UBE2D2: variants seen among roughly 807,000 people sequenced by gnomAD.
The protein encoded by UBE2D2 is ubiquitin-conjugating enzyme E2 D2.
Under a neutral mutation model 24.2 loss-of-function variants are expected in UBE2D2, and 2 were observed. The ratio of observed to expected loss-of-function variants is 0.08; its 90% CI spans 0.03 to 0.26. The LOEUF is 0.26. Among genes scored for constraint, UBE2D2 ranks in the 10% least tolerant of loss-of-function variants. The pLI is 1.00. For synonymous variants in UBE2D2, 58 were observed against 56.5 expected, an observed-to-expected ratio of 1.03 and a Z score of -0.12; for missense variants, 44 against 177.6, an observed-to-expected ratio of 0.25 and a Z score of 4.28.
intron 1 of UBE2D2, among the ~76,000 whole-genome samples, chr5:139,573,260 C>T (rs1315444850): frequency 6.6e-6 from 1 of 150,764 alleles, no homozygotes; most frequent in Non-Finnish European, 1.5e-5. Context: ...CGAGATCGCA[C>T]CACTGTACTC....
At chr5:139,601,251 T>C (rs909345710) in intron 2 of UBE2D2, among the ~76,000 whole-genome samples, 1 of 152,226 alleles carries the variant, frequency 6.6e-6, no homozygotes, top group Non-Finnish European at 1.5e-5. Context: ...TTAACTTTTT[T>C]TAAAGAGGGG....
chr5:139,586,828 G>A (rs1171923948), intron 1 of UBE2D2, among the ~76,000 whole-genome samples: 1 of 152,164 alleles, frequency 6.6e-6, no homozygotes, highest in African/African-American at 2.4e-5. Flanking sequence ...TTATGTTAGG[G>A]TAATCAGCAT....
chr5:139,576,486 A>AT (rs1000156178), intron 1 of UBE2D2, among the ~76,000 whole-genome samples: 75 of 147,456 alleles, frequency 5.1e-4, no homozygotes, highest in Non-Finnish European at 6.2e-4. Flanking sequence ...CCCAAAGATG[A>AT]TTTTTTTTTT....
intron 2 of UBE2D2, among the ~76,000 whole-genome samples, chr5:139,614,162 C>A (rs1220089215): frequency 6.6e-6 from 1 of 151,976 alleles, no homozygotes; most frequent in Non-Finnish European, 1.5e-5. Context: ...GAACTGTAAG[C>A]CTTGTCAAGA....
chr5:139,535,410 C>G (rs1022755339), intron 1 of UBE2D2, among the ~76,000 whole-genome samples: 1 of 151,766 alleles, frequency 6.6e-6, no homozygotes, highest in South Asian at 2.1e-4. Flanking sequence ...GAGCCGAGAT[C>G]GCGCCATTGC....
chr5:139,535,892 T>TTTTTC (rs1295245456), intron 1 of UBE2D2, among the ~76,000 whole-genome samples: 1 of 151,900 alleles, frequency 6.6e-6, no homozygotes, highest in Non-Finnish European at 1.5e-5. Context: ...TGTTTACATT[T>TTTTTC]TTTTCTTTTC....
chr5:139,529,447 A>T (rs981186354), intron 1 of UBE2D2, among the ~76,000 whole-genome samples: 32 of 152,184 alleles, frequency 2.1e-4, no homozygotes, highest in African/African-American at 7.2e-4. Flanking sequence ...ACACAGCAGA[A>T]AATAAGTACA....
At chr5:139,587,159 C>T (rs1283679696) in intron 1 of UBE2D2, among the ~76,000 whole-genome samples, 1 of 152,094 alleles carries the variant, frequency 6.6e-6, no homozygotes, top group East Asian at 1.9e-4. Flanking sequence ...GGAAGAGAAC[C>T]GTAGAACCCA....
intron 1 of UBE2D2, among the ~76,000 whole-genome samples, chr5:139,565,647 G>C (rs1331996780): frequency 1.3e-5 from 2 of 152,168 alleles, no homozygotes; most frequent in Non-Finnish European, 2.9e-5. Context: ...CTTGACTGAA[G>C]AGGGCTTCAT....
chr5:139,552,492 TTTC>T (rs1395574471), intron 1 of UBE2D2, among the ~76,000 whole-genome samples: 3 of 142,114 alleles, frequency 2.1e-5, no homozygotes, highest in South Asian at 2.2e-4. Context: ...TCTTTTTTTG[TTTC>T]TTTTTTCTTT....
At chr5:139,557,874 T>C (rs1234614310), upstream of UBE2D2, among the ~76,000 whole-genome samples, 2 of 152,070 alleles carry the variant, frequency 1.3e-5, no homozygotes, top group Non-Finnish European at 2.9e-5. Flanking sequence ...GTATAAAGAT[T>C]AAGAGTCTGT....
At chr5:139,541,699 G>A (rs564829824) in intron 1 of UBE2D2, among the ~76,000 whole-genome samples, 8 of 151,210 alleles carry the variant, frequency 5.3e-5, no homozygotes, top group Non-Finnish European at 8.8e-5. Flanking sequence ...TTTGACTCCA[G>A]GAGTTGGAGT....
intron 1 of UBE2D2, among the ~76,000 whole-genome samples, chr5:139,568,407 C>G (rs1051204571): frequency 1.3e-5 from 2 of 151,892 alleles, no homozygotes; most frequent in African/African-American, 4.8e-5. Context: ...TGCCTGTAAT[C>G]CCAGCACTTT....
chr5:139,626,001 A>G (rs906210577), intron 6 of UBE2D2, among the ~76,000 whole-genome samples: 4 of 152,166 alleles, frequency 2.6e-5, no homozygotes, highest in African/African-American at 7.2e-5. Flanking sequence ...CATTTTGTCA[A>G]CCAAATTGTT....
chr5:139,533,062 C>T (rs543842269), intron 1 of UBE2D2, among the ~76,000 whole-genome samples: 5 of 150,360 alleles, frequency 3.3e-5, no homozygotes, highest in African/African-American at 7.3e-5. Context: ...AAGCTGAGAT[C>T]GCGCCACTGG....
chr5:139,558,636 G>T (rs1414946002), upstream of UBE2D2, among the ~76,000 whole-genome samples: 1 of 151,952 alleles, frequency 6.6e-6, no homozygotes, highest in East Asian at 1.9e-4. Flanking sequence ...ATTATGCAAT[G>T]ACCCCACATT....
At chr5:139,612,848 T>C (rs1459377832) in intron 2 of UBE2D2, among the ~76,000 whole-genome samples, 1 of 152,184 alleles carries the variant, frequency 6.6e-6, no homozygotes, top group Non-Finnish European at 1.5e-5. Context: ...CTATGTTGCC[T>C]GGGCTGGACT....
chr5:139,569,164 A>G (rs1021231973), intron 1 of UBE2D2, among the ~76,000 whole-genome samples: 3 of 152,148 alleles, frequency 2.0e-5, no homozygotes, highest in Admixed American at 1.3e-4. Context: ...TATCTTGGAT[A>G]CCTTCTTACT....
At chr5:139,550,386 A>G (rs1005998733) in intron 1 of UBE2D2, among the ~76,000 whole-genome samples, 1 of 152,170 alleles carries the variant, frequency 6.6e-6, no homozygotes, top group Non-Finnish European at 1.5e-5. Flanking sequence ...ACCAATCAGC[A>G]CCCTGTCAAA....
Sources: gnomAD v4.1 joint callset for allele counts (sites outside exome capture counted in the v4.1 genomes callset) on GRCh38, gnomAD v4.1.1 for gene constraint, MANE v1.5 for transcripts, NCBI Gene and HGNC (gene_info 2026-07-23, HGNC 2026-07-21) for gene names.